The following CDON variants were observed in gnomAD, a reference collection of about 807,000 sequenced individuals.
CDON encodes the protein cell adhesion associated, oncogene regulated.
In CDON, 73 loss-of-function variants were observed where a neutral mutation model predicts 120.9. The ratio of observed to expected loss-of-function variants is 0.60; its 90% CI spans 0.50 to 0.73. The LOEUF (loss-of-function observed/expected upper bound fraction) is 0.73, where lower values mean the gene tolerates loss of function less well. Among genes scored for constraint, CDON ranks in the 30% least tolerant of loss-of-function variants. CDON has a pLI of 0.00. For missense variants in CDON, 1,470 were observed against 1,587.3 expected (o/e 0.93, Z 1.26); for synonymous variants, 566 against 573.5 (o/e 0.99, Z 0.19).
chr11:125,972,623 C>T (rs191532587), intron 18 of CDON, among the ~76,000 whole-genome samples: 18 of 152,188 alleles, frequency 1.2e-4, no homozygotes, highest in Middle Eastern at 3.4e-3. Context: ...ATAGAGGCAA[C>T]GTTTTCCCTC....
At chr11:125,983,501 C>T (rs1946373702) in intron 16 of CDON, among the ~76,000 whole-genome samples, 1 of 152,152 alleles carries the variant, frequency 6.6e-6, no homozygotes, top group Non-Finnish European at 1.5e-5. Context: ...CTTTTCTATT[C>T]CCTGTTGACA....
rs1422949668 is a variant in CDON at position 125,960,517 on chromosome 11, A to G, written c.*425T>C. Reference sequence around the variant, plus strand: ...AAAACAAACAAAAAAAAGTCTGAGAATACACTATTGAAAGACCATTTTCCA... The same window carrying G: ...AAAACAAACAAAAAAAAGTCTGAGAGTACACTATTGAAAGACCATTTTCCA... On this transcript the variant is annotated 3_prime_UTR_variant, in exon 20 of 20. Coordinates refer to ENST00000531738, the MANE Select transcript of CDON (RefSeq NM_001378964.1). The G allele has an allele frequency of 5.0e-6, 1 of 198,088 alleles. No homozygotes were observed. Among genetic ancestry groups the G allele is most frequent in the Non-Finnish European group, 1.0e-5 (1 of 96,694 alleles). The allele number at this position is 198,088 out of a possible 1,614,324, so 12.3% of individuals were successfully genotyped here.
At chr11:126,028,842 T>C (rs932722658) in intron 1 of CDON, among the ~76,000 whole-genome samples, 8 of 151,954 alleles carry the variant, frequency 5.3e-5, no homozygotes, top group African/African-American at 1.7e-4. Context: ...TGTATATATA[T>C]ATATATGTTA....
chr11:125,977,776 T>G (rs1216102169), intron 18 of CDON, among the ~76,000 whole-genome samples: 2 of 152,110 alleles, frequency 1.3e-5, no homozygotes, highest in South Asian at 2.1e-4. Context: ...CTTTTAAAAT[T>G]AAAACACAAA....
intron 15 of CDON, among the ~76,000 whole-genome samples, chr11:125,988,182 T>G (rs550539876): frequency 6.6e-6 from 1 of 152,122 alleles, no homozygotes; most frequent in Non-Finnish European, 1.5e-5. Flanking sequence ...GGGGCTGAAT[T>G]GTGGCTAATG....
chr11:126,003,933 T>C lies in CDON; in HGVS notation c.1995A>G (p.Gln665=), dbSNP rs745756890. 1 of 1,614,052 alleles carries C rather than the reference T, an allele frequency of 6.2e-7. No individual in the cohort carries two copies. Among genetic ancestry groups the C allele is most frequent in the Non-Finnish European group, 8.5e-7 (1 of 1,180,004 alleles). The part of the protein sequence containing the change: ...MVARSAAGEG[Q]PAMLTFRTSK... Reference sequence around the variant, plus strand: ...TGGTTCGGAAGGTAAGCATGGCAGGTTGGCCTTCACCTGCTGCGCTTCTTG... The same window carrying C: ...TGGTTCGGAAGGTAAGCATGGCAGGCTGGCCTTCACCTGCTGCGCTTCTTG... Residue 665 remains glutamine, a synonymous_variant, in exon 10 of 20, where the codon CAA becomes CAG. Coordinates refer to ENST00000531738, the MANE Select transcript of CDON (RefSeq NM_001378964.1).
At chr11:125,979,446 T>G (rs1422349079) in intron 17 of CDON, among the ~76,000 whole-genome samples, 1 of 152,212 alleles carries the variant, frequency 6.6e-6, no homozygotes, top group Non-Finnish European at 1.5e-5. Flanking sequence ...CAGGGTAACG[T>G]TGTGACTTAC....
chr11:125,968,454 G>A (rs966611436), intron 18 of CDON, among the ~76,000 whole-genome samples: 2 of 152,208 alleles, frequency 1.3e-5, no homozygotes, highest in South Asian at 2.1e-4. Context: ...AGACAGAGGC[G>A]CAAGGGCCAA....
chr11:126,057,997 A>G (rs531933468), intron 1 of CDON, among the ~76,000 whole-genome samples: 19 of 152,332 alleles, frequency 1.2e-4, no homozygotes, highest in Admixed American at 1.2e-3. Context: ...CCAAGGCTTA[A>G]GTCAAGATCA....
At position 126,010,664 on chromosome 11, in the gene CDON, G is replaced by A; in HGVS notation, c.1229C>T (p.Ala410Val). ...GTCTGCAACCTTTGCACTTACTGGT[G>A]CCGTAATTATAACTGGCTTGAATCC... ...DGGFKPVIIT[A>V]PVSAKVADGD... The change falls in exon 8 of 20, where the codon GCA becomes GTA. Residue 410 changes from alanine to valine, a missense_variant. Coordinates refer to ENST00000531738, the MANE Select transcript of CDON (RefSeq NM_001378964.1). 4 of 1,614,108 alleles carry A rather than the reference G, an allele frequency of 2.5e-6. No individual in the cohort carries two copies. Among genetic ancestry groups the A allele is most frequent in the Non-Finnish European group, 2.5e-6 (3 of 1,179,984 alleles).
intron 18 of CDON, among the ~76,000 whole-genome samples, chr11:125,970,649 G>A (rs756100251): frequency 2.2e-4 from 34 of 152,194 alleles, no homozygotes; most frequent in Non-Finnish European, 4.0e-4. Flanking sequence ...TGGATGCTGC[G>A]ATGACCGCAG....
chr11:125,996,907 C>T (rs894029294), intron 12 of CDON, among the ~76,000 whole-genome samples: 15 of 152,038 alleles, frequency 9.9e-5, no homozygotes, highest in African/African-American at 3.6e-4. Context: ...GGTGCTATGG[C>T]TCACGCCTGT....
intron 1 of CDON, among the ~76,000 whole-genome samples, chr11:126,059,386 T>G (rs1164663060): frequency 6.6e-6 from 1 of 152,202 alleles, no homozygotes; most frequent in Non-Finnish European, 1.5e-5. Flanking sequence ...TGGGTTGGGC[T>G]TTTCTCTTAC....
chr11:125,989,541 A>G (rs1946567792), intron 15 of CDON, 96 bp downstream of exon 15: 2 of 1,231,844 alleles, frequency 1.6e-6, no homozygotes, highest in African/African-American at 3.0e-5. Context: ...GTCTCAAAAC[A>G]AGACAAAACA....
At chr11:126,030,384 C>T (rs1947911720) in intron 1 of CDON, among the ~76,000 whole-genome samples, 1 of 152,202 alleles carries the variant, frequency 6.6e-6, no homozygotes. Context: ...ATGATGAAGG[C>T]TGTCTTTCTG....
Position 125,981,391 on chromosome 11 carries a change from T to C in CDON, c.2996-62A>G, listed in dbSNP as rs1250293840. The C allele has an allele frequency of 5.2e-6, 8 of 1,535,056 alleles. No homozygotes were observed. The East Asian group carries it at 1.6e-4, about 30-fold the overall frequency. ...ACACACACGCACGCACACATGCACA[T>C]ACGCACACACGCATGCACACATGCA... On this transcript the variant is annotated intron_variant, in intron 16 of 19. Transcript: ENST00000531738.
intron 1 of CDON, among the ~76,000 whole-genome samples, chr11:126,028,819 GTA>G (rs781526302): frequency 5.6e-4 from 84 of 150,520 alleles, no homozygotes; most frequent in Admixed American, 1.5e-3. Flanking sequence ...ATGTGTATAT[GTA>G]TGTGTGTGTG....
At chr11:126,011,686 T>C (rs1466257186) in intron 7 of CDON, among the ~76,000 whole-genome samples, 1 of 152,232 alleles carries the variant, frequency 6.6e-6, no homozygotes, top group Non-Finnish European at 1.5e-5. Context: ...CTTTTCAGCT[T>C]TTAACAGTAT....
At chr11:125,986,887 T>A (rs1346568622) in intron 15 of CDON, among the ~76,000 whole-genome samples, 2 of 152,060 alleles carry the variant, frequency 1.3e-5, no homozygotes, top group African/African-American at 4.8e-5. Context: ...AAAGAAGTCA[T>A]CTTTCAAGAG....
Sources: gnomAD v4.1 joint callset for allele counts (sites outside exome capture counted in the v4.1 genomes callset) on GRCh38, gnomAD v4.1.1 for gene constraint, MANE v1.5 for transcripts, NCBI Gene and HGNC (gene_info 2026-07-23, HGNC 2026-07-21) for gene names.